The following APOOL variants were observed in gnomAD, a reference collection of about 807,000 sequenced individuals.
The protein encoded by APOOL is apolipoprotein O like.
Under a neutral mutation model 23.1 loss-of-function variants are expected in APOOL, and 12 were observed. The observed-to-expected ratio is 0.52, with a 90% CI of 0.33 to 0.84. The LOEUF is 0.84. Among genes scored for constraint, APOOL ranks in the 40% least tolerant of loss-of-function variants. The probability of loss-of-function intolerance (pLI) is 0.02; values close to 1 mark genes in which losing one functional copy is unlikely to be tolerated. For missense variants in APOOL, 212 were observed against 199.6 expected (o/e 1.06, Z -0.37); for synonymous variants, 77 against 69.9 (o/e 1.10, Z -0.51).
At position 85,088,316 on chromosome X, in the gene APOOL, G is replaced by GTTTTTTTTTTTT. The variant is rs766497759; in HGVS notation, c.*656_*667dup. ...TGTATGGAAAGGTGTGTTTCCCTCT[G>GTTTTTTTTTTTT]TTTTTTTTTTTTTTTTTTTTTTTTT... On this transcript the variant is annotated 3_prime_UTR_variant, in exon 9 of 9. Transcript: ENST00000373173. 3.1e-4 allele frequency: 7 copies of GTTTTTTTTTTTT among 22,528 alleles called. 2 individuals are homozygous for GTTTTTTTTTTTT. The highest frequency in any genetic ancestry group is 4.0e-4 in the Non-Finnish European group (5 of 12,652). The allele number at this position is 22,528 out of a possible 1,213,427, so 1.9% of individuals were successfully genotyped here.
chrX:85,084,356 T>G lies in APOOL; in HGVS notation c.719-3234T>G, dbSNP rs1055382687. 1.2e-4 allele frequency among the ~76,000 whole-genome samples: 13 copies of G among 109,586 alleles called. No individual in the cohort carries two copies. In the East Asian group the frequency reaches 3.7e-3, roughly 32 times the overall value. On this transcript the variant is annotated intron_variant, in intron 8 of 8. Transcript: ENST00000373173. The stretch of plus-strand genomic sequence containing the variant: ...TTCACTGTGTTAGCCAGGATGGTCT[T>G]GATCTCCTAACCTTGTGATCCTCCC...
chrX:85,067,627 AACACACAC>A (rs758966009), intron 6 of APOOL, among the ~76,000 whole-genome samples: 32 of 90,397 alleles, frequency 3.5e-4, no homozygotes, highest in African/African-American at 6.6e-4. Flanking sequence ...CTGAAGGTAA[AACACACAC>A]ACACACACAC....
At chrX:85,061,348 C>T (rs377534044) in intron 5 of APOOL, among the ~76,000 whole-genome samples, 58 of 111,072 alleles carry the variant, frequency 5.2e-4, no homozygotes, top group African/African-American at 1.9e-3. Context: ...TTCTTGTTTT[C>T]CATTGTGTCT....
intron 1 of APOOL, among the ~76,000 whole-genome samples, chrX:85,012,344 C>G (rs1418152026): frequency 1.8e-5 from 2 of 111,234 alleles, no homozygotes; most frequent in African/African-American, 6.5e-5. Context: ...ATTTCTTTCT[C>G]TTGTCTGATT....
intron 1 of APOOL, among the ~76,000 whole-genome samples, chrX:85,016,828 T>A (rs1358645630): frequency 8.9e-6 from 1 of 112,519 alleles, no homozygotes; most frequent in Non-Finnish European, 1.9e-5. Context: ...GTCCTGCTGT[T>A]CAGATTCTTT....
intron 2 of APOOL, among the ~76,000 whole-genome samples, chrX:85,047,082 C>T (rs1482030950): frequency 9.0e-6 from 1 of 111,571 alleles, no homozygotes; most frequent in East Asian, 2.8e-4. Context: ...TTTCTTATAT[C>T]AGACAGAAAT....
At chrX:85,045,256 TA>T (rs1027036796) in intron 1 of APOOL, among the ~76,000 whole-genome samples, 2 of 110,365 alleles carry the variant, frequency 1.8e-5, no homozygotes, top group African/African-American at 6.6e-5. Flanking sequence ...GGGAGGAGAA[TA>T]AAAAAAAATT....
At chrX:85,010,108 C>T (rs767630721) in intron 1 of APOOL, among the ~76,000 whole-genome samples, 1 of 110,930 alleles carries the variant, frequency 9.0e-6, no homozygotes, top group East Asian at 2.8e-4. Flanking sequence ...GTCAAGCTAC[C>T]CTTCTAAGTG....
chrX:85,058,568 A>G (rs977177550), intron 5 of APOOL, among the ~76,000 whole-genome samples: 27 of 111,940 alleles, frequency 2.4e-4, no homozygotes, highest in African/African-American at 8.8e-4. Flanking sequence ...AGAATGATTT[A>G]TGTTCCTTTG....
Position 85,092,557 on chromosome X carries a change from G to A in APOOL, c.*4879G>A, listed in dbSNP as rs1161601382. On this transcript the variant is annotated 3_prime_UTR_variant, in exon 9 of 9. Coordinates refer to ENST00000373173, the MANE Select transcript of APOOL (RefSeq NM_198450.6). ...CATGCAGTTACATTGAGTTGTGATG[G>A]CTATCTGTTTAAAAACAAACAAGCA... 1 of 1,201,335 alleles carries A rather than the reference G, an allele frequency of 8.3e-7. No homozygotes were observed.
chrX:85,036,075 C>T (rs1922206856), intron 1 of APOOL, among the ~76,000 whole-genome samples: 1 of 112,219 alleles, frequency 8.9e-6, no homozygotes, highest in African/African-American at 3.2e-5. Context: ...GGCAGTGTGA[C>T]CATTTAAAAA....
chrX:85,010,672 T>A (rs1022242356), intron 1 of APOOL, among the ~76,000 whole-genome samples: 15 of 112,088 alleles, frequency 1.3e-4, no homozygotes, highest in African/African-American at 4.9e-4. Flanking sequence ...GCAAATGCCA[T>A]TATTTTCTTC....
chrX:85,008,347 G>A (rs1921147898), intron 1 of APOOL, among the ~76,000 whole-genome samples: 1 of 111,142 alleles, frequency 9.0e-6, no homozygotes, highest in Non-Finnish European at 1.9e-5. Context: ...ACCTTTGCCT[G>A]TGGGAACCAG....
rs183438535 is a variant in APOOL at position 85,056,055 on chromosome X, T to G, written c.394+130T>G. 2.3e-4 allele frequency: 99 copies of G among 423,034 alleles called. No individual in the cohort carries two copies. In the African/African-American group the frequency reaches 2.3e-3, roughly 10 times the overall value. 34.9% of individuals were successfully genotyped at this position (423,034 alleles called of 1,213,427 possible). On this transcript the variant is annotated intron_variant, in intron 5 of 8. Coordinates refer to ENST00000373173, the MANE Select transcript of APOOL (RefSeq NM_198450.6). ...GGCTACTGTAAAGATTTTTAGATTC[T>G]GTATTACAGCATGCTTACTTTTATA...
chrX:85,081,007 C>A (rs1924076690), intron 8 of APOOL, among the ~76,000 whole-genome samples: 1 of 111,212 alleles, frequency 9.0e-6, no homozygotes, highest in African/African-American at 3.3e-5. Flanking sequence ...AGATCAGTCT[C>A]CTGAATCCAG....
In APOOL at chrX:85,074,037, T is replaced by G; in HGVS notation, c.526T>G (p.Phe176Val). 8.5e-7 allele frequency: 1 copy of G among 1,169,786 alleles called. No individual in the cohort carries two copies. The highest frequency in any genetic ancestry group is 1.1e-6 in the Non-Finnish European group (1 of 874,284). ...KKVYATSQQI[F>V]GAVKSLWTKS... is the part of the protein sequence containing the mutation. ...GGTATATGCTACAAGCCAGCAAATT[T>G]TTGGAGCAGTTAAATCATTGTGGAC... Residue 176 changes from phenylalanine to valine, a missense_variant, in exon 7 of 9, where the codon TTT becomes GTT. By Grantham distance (50) the Phe-to-Val change is conservative. Transcript: ENST00000373173.
At chrX:85,033,140 A>T (rs1199404378) in intron 1 of APOOL, among the ~76,000 whole-genome samples, 3 of 112,162 alleles carry the variant, frequency 2.7e-5, no homozygotes, top group Non-Finnish European at 5.6e-5. Context: ...GGGCAGGGTG[A>T]CATGCTCAGT....
chrX:85,018,599 A>G (rs1470817167), intron 1 of APOOL, among the ~76,000 whole-genome samples: 1 of 110,252 alleles, frequency 9.1e-6, no homozygotes, highest in Non-Finnish European at 1.9e-5. Flanking sequence ...TATCTTCTCA[A>G]TGGATAATTT....
intron 5 of APOOL, among the ~76,000 whole-genome samples, chrX:85,064,381 C>T (rs1271369796): frequency 2.0e-5 from 2 of 101,760 alleles, no homozygotes; most frequent in African/African-American, 7.4e-5. Context: ...GCCTTTGTCA[C>T]CTTCAGCTCT....
Sources: allele counts gnomAD v4.1 joint callset (sites outside exome capture counted in the v4.1 genomes callset), GRCh38; gene constraint gnomAD v4.1.1; transcripts MANE v1.5; gene names NCBI Gene and HGNC (gene_info 2026-07-23, HGNC 2026-07-21).